Variants in NEGR1 observed in about 807,000 individuals in gnomAD.
NEGR1 encodes the protein neuronal growth regulator 1, also known as IgLON family member 4.
In NEGR1, 10 loss-of-function variants were observed where a neutral mutation model predicts 40.9. The ratio of observed to expected loss-of-function variants is 0.24; its 90% CI spans 0.15 to 0.42. The LOEUF (loss-of-function observed/expected upper bound fraction) is 0.42, where lower values mean the gene tolerates loss of function less well. Ranked by LOEUF, NEGR1 falls within the 10% of genes least tolerant of loss-of-function variation. The probability of loss-of-function intolerance (pLI) is 1.00; values close to 1 mark genes in which losing one functional copy is unlikely to be tolerated. For synonymous variants in NEGR1, 185 were observed against 166.8 expected, an observed-to-expected ratio of 1.11 and a Z score of -0.84; for missense variants, 352 against 438.9, an observed-to-expected ratio of 0.80 and a Z score of 1.77.
Position 72,275,148 on chromosome 1 carries a change from C to T in NEGR1, c.176+7171G>A, listed in dbSNP as rs892047950. 1.9e-5 allele frequency: 13 copies of T among 673,852 alleles called. No individual in the cohort carries two copies. The African/African-American group carries it at 2.3e-4, about 12-fold the overall frequency. The allele number at this position is 673,852 out of a possible 1,614,324, so 41.7% of individuals were successfully genotyped here. A position where few individuals can be genotyped will look rare whatever the true frequency, so the allele number is the denominator to read the frequency against. On this transcript the variant is annotated intron_variant, in intron 1 of 6. Transcript: ENST00000357731. ...TTATTTCCCGCACGTACGATGCCACCCATGTGTTTTTCTAATTGAAATTAA... is the reference window on the plus strand; with the variant it reads ...TTATTTCCCGCACGTACGATGCCACTCATGTGTTTTTCTAATTGAAATTAA...
At chr1:71,748,672 T>A (rs936751582) in intron 3 of NEGR1, among the ~76,000 whole-genome samples, 1 of 152,152 alleles carries the variant, frequency 6.6e-6, no homozygotes, top group African/African-American at 2.4e-5. Flanking sequence ...TTCTGCCTTT[T>A]AAAAAATTGT....
intron 6 of NEGR1, among the ~76,000 whole-genome samples, chr1:71,573,013 G>C (rs1488730272): frequency 6.6e-6 from 1 of 152,118 alleles, no homozygotes; most frequent in Non-Finnish European, 1.5e-5. Context: ...TTAGGATAAG[G>C]GTTTTGCAGA....
chr1:71,982,637 T>C (rs1646363417), intron 1 of NEGR1, among the ~76,000 whole-genome samples: 1 of 152,180 alleles, frequency 6.6e-6, no homozygotes, highest in Non-Finnish European at 1.5e-5. Context: ...AAATGTTAAC[T>C]GATTAACTTG....
Position 71,611,020 on chromosome 1 carries a change from C to A in NEGR1, c.788+6G>T. ...TAGAACACAGTAATAATCACAAAGT[C>A]CTCACTTCTTCTCTCCTTTGTACCA... On this transcript the variant is annotated splice_donor_region_variant and intron_variant, in intron 5 of 6. Coordinates refer to ENST00000357731, the MANE Select transcript of NEGR1 (RefSeq NM_173808.3). 1 of 1,613,354 alleles carries A rather than the reference C, an allele frequency of 6.2e-7. No individual in the cohort carries two copies. Among genetic ancestry groups the A allele is most frequent in the South Asian group, 1.1e-5 (1 of 91,050 alleles).
intron 1 of NEGR1, among the ~76,000 whole-genome samples, chr1:72,042,998 A>G (rs953738153): frequency 6.6e-6 from 1 of 151,944 alleles, no homozygotes; most frequent in African/African-American, 2.4e-5. Flanking sequence ...ATACACATTA[A>G]TCTGCATGCA....
intron 5 of NEGR1, among the ~76,000 whole-genome samples, chr1:71,607,402 G>T (rs1650105360): frequency 6.6e-6 from 1 of 151,888 alleles, no homozygotes; most frequent in South Asian, 2.1e-4. Flanking sequence ...ACTCTTAAGG[G>T]CCTTGACCTA....
rs548351331 is a variant in NEGR1, at chr1:71,865,045, T to C, written c.409+70034A>G. Reference sequence around the variant, plus strand: ...GGACAGTTTCTAACAAGTTTTTCAATGAAAAGAAGTTCAAGGTGAGATCAC... The same window carrying C: ...GGACAGTTTCTAACAAGTTTTTCAACGAAAAGAAGTTCAAGGTGAGATCAC... On this transcript the variant is annotated intron_variant, in intron 2 of 6. Transcript: ENST00000357731. Among the ~76,000 whole-genome samples the C allele has an allele frequency of 2.4e-3, 369 of 152,260 alleles. 2 individuals are homozygous for C. Among genetic ancestry groups the C allele is most frequent in the African/African-American group, 8.4e-3 (351 of 41,564 alleles).
chr1:72,224,982 T>A (rs1194606846), intron 1 of NEGR1, among the ~76,000 whole-genome samples: 1 of 152,044 alleles, frequency 6.6e-6, no homozygotes, highest in African/African-American at 2.4e-5. Flanking sequence ...TATTTTGGAC[T>A]TTCCTAATAG....
chr1:71,728,588 C>T (rs889894653), intron 3 of NEGR1, among the ~76,000 whole-genome samples: 5 of 152,080 alleles, frequency 3.3e-5, no homozygotes, highest in African/African-American at 9.7e-5. Flanking sequence ...CAAAATCTAA[C>T]GTTGCTTTTT....
intron 4 of NEGR1, among the ~76,000 whole-genome samples, chr1:71,671,537 T>G (rs145413106): frequency 2.9e-4 from 44 of 152,262 alleles, no homozygotes; most frequent in Middle Eastern, 3.4e-3. Context: ...AAAAACTATT[T>G]TAGGGTATTA....
At chr1:71,730,422 A>G (rs1654820692) in intron 3 of NEGR1, among the ~76,000 whole-genome samples, 1 of 151,744 alleles carries the variant, frequency 6.6e-6, no homozygotes, top group South Asian at 2.1e-4. Context: ...AGTAAAACTT[A>G]ATAGGACTTC....
chr1:72,097,707 G>A (rs1346625779), intron 1 of NEGR1, among the ~76,000 whole-genome samples: 3 of 152,128 alleles, frequency 2.0e-5, no homozygotes, highest in Admixed American at 2.0e-4. Flanking sequence ...AGAAAACCAG[G>A]GAAATCATAC....
At chr1:72,218,216 T>A (rs1236000687) in intron 1 of NEGR1, among the ~76,000 whole-genome samples, 1 of 151,960 alleles carries the variant, frequency 6.6e-6, no homozygotes, top group Admixed American at 6.6e-5. Flanking sequence ...GAGGCTATTG[T>A]CATGAATTTG....
At chr1:72,019,095 G>T (rs554032419) in intron 1 of NEGR1, among the ~76,000 whole-genome samples, 345 of 152,256 alleles carry the variant, frequency 2.3e-3, no homozygotes, top group African/African-American at 7.9e-3. Context: ...ATGATGTAAG[G>T]AACAAGGGGA....
At chr1:72,203,115 T>C (rs1329931755) in intron 1 of NEGR1, among the ~76,000 whole-genome samples, 1 of 152,112 alleles carries the variant, frequency 6.6e-6, no homozygotes, top group Non-Finnish European at 1.5e-5. Flanking sequence ...GAAAGAGTGA[T>C]TTTGACATTC....
At chr1:71,721,738 C>A (rs917300498) in intron 3 of NEGR1, among the ~76,000 whole-genome samples, 29 of 152,024 alleles carry the variant, frequency 1.9e-4, no homozygotes, top group African/African-American at 6.8e-4. Context: ...GCCACATTGC[C>A]CCCGATGGAG....
At chr1:72,253,207 C>T (rs1655162829) in intron 1 of NEGR1, among the ~76,000 whole-genome samples, 1 of 152,142 alleles carries the variant, frequency 6.6e-6, no homozygotes, top group Admixed American at 6.6e-5. Flanking sequence ...TTTGTCATCT[C>T]TTCCTATTGT....
At chr1:71,414,488 A>T (rs1164036199) in intron 6 of NEGR1, among the ~76,000 whole-genome samples, 1 of 152,176 alleles carries the variant, frequency 6.6e-6, no homozygotes, top group Admixed American at 6.5e-5. Context: ...GGATTATAGT[A>T]TCTGGAAGAA....
chr1:71,412,726 A>T (rs1242547955), intron 6 of NEGR1, among the ~76,000 whole-genome samples: 1 of 152,202 alleles, frequency 6.6e-6, no homozygotes, highest in African/African-American at 2.4e-5. Context: ...TGAGGAGAAG[A>T]ATGAAGAAAA....
Sources: gnomAD v4.1 joint callset for allele counts (sites outside exome capture counted in the v4.1 genomes callset) on GRCh38, gnomAD v4.1.1 for gene constraint, MANE v1.5 for transcripts, NCBI Gene and HGNC (gene_info 2026-07-23, HGNC 2026-07-21) for gene names.